Variants in AFF2 observed in about 807,000 individuals in gnomAD.
The protein encoded by AFF2 is AF4/FMR2 family member 2.
A neutral mutation model predicts 76.9 loss-of-function variants in AFF2; 14 were observed. The observed-to-expected ratio is 0.18, with a 90% confidence interval of 0.12 to 0.28. The LOEUF is 0.28. Ranked by LOEUF, AFF2 falls within the 10% of genes least tolerant of loss-of-function variation. The pLI, the probability that AFF2 is intolerant of heterozygous loss-of-function variation, is 1.00. For missense variants in AFF2, 868 were observed against 1,001.1 expected, an observed-to-expected ratio of 0.87 and a Z score of 1.79; for synonymous variants, 398 against 366.7, an observed-to-expected ratio of 1.09 and a Z score of -0.98.
intron 19 of AFF2, among the ~76,000 whole-genome samples, chrX:148,982,427 G>A (rs1354189790): frequency 2.7e-5 from 3 of 112,109 alleles, no homozygotes; most frequent in Non-Finnish European, 5.6e-5. Context: ...GGAAGGAGGT[G>A]ACAGGTATGA....
chrX:148,857,397 G>C (rs1557275999), intron 7 of AFF2, among the ~76,000 whole-genome samples: 1 of 111,439 alleles, frequency 9.0e-6, no homozygotes, highest in Non-Finnish European at 1.9e-5. Flanking sequence ...TTAACTAAGT[G>C]GTATATTAAG....
chrX:148,624,617 TTTCTC>T (rs2053903738), intron 1 of AFF2, among the ~76,000 whole-genome samples: 1 of 112,316 alleles, frequency 8.9e-6, no homozygotes, highest in South Asian at 3.6e-4. Context: ...TTAGTGTTGA[TTTCTC>T]TTTACATTTC....
At chrX:148,913,500 A>G (rs1231357082) in intron 9 of AFF2, among the ~76,000 whole-genome samples, 1 of 111,483 alleles carries the variant, frequency 9.0e-6, no homozygotes, top group Non-Finnish European at 1.9e-5. Flanking sequence ...AATTACCATC[A>G]CTCATCTTTC....
At chrX:148,732,280 T>C (rs1365513110) in intron 3 of AFF2, among the ~76,000 whole-genome samples, 2 of 97,196 alleles carry the variant, frequency 2.1e-5, no homozygotes, top group Non-Finnish European at 4.0e-5. Flanking sequence ...TGTAGGGACA[T>C]GGATGAAATT....
At chrX:148,538,594 A>T (rs1022504234) in intron 1 of AFF2, among the ~76,000 whole-genome samples, 3 of 112,711 alleles carry the variant, frequency 2.7e-5, no homozygotes, top group African/African-American at 9.7e-5. Context: ...TTGCCTGAAA[A>T]TTTTGATTTA....
At chrX:148,745,069 G>A (rs1350728681) in intron 3 of AFF2, among the ~76,000 whole-genome samples, 2 of 111,797 alleles carry the variant, frequency 1.8e-5, no homozygotes, top group Non-Finnish European at 3.8e-5. Context: ...TCCCGAGTTA[G>A]GTGGATGTGT....
intron 6 of AFF2, 106 bp from the exon 7 acceptor site, chrX:148,843,276 C>T: frequency 1.5e-6 from 1 of 655,713 alleles, no homozygotes; most frequent in Non-Finnish European, 2.3e-6. Context: ...TTACTTATCT[C>T]AAGAAGGTAA....
intron 9 of AFF2, among the ~76,000 whole-genome samples, chrX:148,912,994 A>T (rs1232214602): frequency 8.8e-6 from 1 of 113,334 alleles, no homozygotes; most frequent in Non-Finnish European, 1.9e-5. Context: ...TAATGGAGAG[A>T]TACCAATAAC....
At chrX:148,549,086 G>T (rs782754919) in intron 1 of AFF2, among the ~76,000 whole-genome samples, 1 of 112,107 alleles carries the variant, frequency 8.9e-6, no homozygotes, top group Non-Finnish European at 1.9e-5. Flanking sequence ...CATTCTAGGC[G>T]AGTGAAAATG....
intron 3 of AFF2, among the ~76,000 whole-genome samples, chrX:148,759,385 G>C (rs1285149829): frequency 8.9e-6 from 1 of 112,068 alleles, no homozygotes; most frequent in Non-Finnish European, 1.9e-5. Context: ...TCAGGGTTCT[G>C]ATTTCTTTTG....
At chrX:148,920,733 T>C in intron 9 of AFF2, among the ~76,000 whole-genome samples, 1 of 110,889 alleles carries the variant, frequency 9.0e-6, no homozygotes, top group Non-Finnish European at 1.9e-5. Flanking sequence ...GCCCTTAATA[T>C]TACATTGTGC....
chrX:148,758,648 CCTT>C (rs2069404202), intron 3 of AFF2, among the ~76,000 whole-genome samples: 1 of 111,661 alleles, frequency 9.0e-6, no homozygotes, highest in African/African-American at 3.3e-5. Flanking sequence ...TGAAGGAAGA[CCTT>C]CTATAAATAT....
intron 9 of AFF2, among the ~76,000 whole-genome samples, chrX:148,904,574 A>G (rs915714331): frequency 1.8e-5 from 2 of 112,348 alleles, no homozygotes; most frequent in East Asian, 5.6e-4. Flanking sequence ...GGTTTTGCAC[A>G]TGCTAAAAAG....
chrX:148,779,819 T>A (rs1442270417), intron 3 of AFF2, among the ~76,000 whole-genome samples: 1 of 112,082 alleles, frequency 8.9e-6, no homozygotes, highest in Non-Finnish European at 1.9e-5. Flanking sequence ...TGCCTATTGG[T>A]TGGTGCAGTT....
intron 1 of AFF2, among the ~76,000 whole-genome samples, chrX:148,588,013 G>A (rs2053485638): frequency 8.9e-6 from 1 of 112,377 alleles, no homozygotes; most frequent in African/African-American, 3.2e-5. Flanking sequence ...GAGCATAGGT[G>A]TGCTTTTAAC....
intron 1 of AFF2, among the ~76,000 whole-genome samples, chrX:148,581,123 ATATACG>A (rs1306852890): frequency 9.1e-5 from 4 of 44,051 alleles, no homozygotes; most frequent in Admixed American, 3.2e-4. Flanking sequence ...GTATACACAC[ATATACG>A]TATACGTATA....
intron 1 of AFF2, among the ~76,000 whole-genome samples, chrX:148,556,798 G>T (rs782197719): frequency 8.9e-6 from 1 of 112,147 alleles, no homozygotes; most frequent in Non-Finnish European, 1.9e-5. Flanking sequence ...TTCAAATTGG[G>T]CCCTTAGGGA....
At chrX:148,872,862 G>A (rs914092510) in intron 7 of AFF2, among the ~76,000 whole-genome samples, 2 of 111,398 alleles carry the variant, frequency 1.8e-5, no homozygotes, top group Non-Finnish European at 3.8e-5. Flanking sequence ...GTATTCAACC[G>A]TTATGACCCA....
intron 3 of AFF2, among the ~76,000 whole-genome samples, chrX:148,777,004 C>T (rs1337918828): frequency 4.5e-5 from 5 of 112,090 alleles, no homozygotes; most frequent in Admixed American, 2.8e-4. Context: ...ATATTTCAAT[C>T]TTTAATCCAT....
Sources: allele counts gnomAD v4.1 joint callset (sites outside exome capture counted in the v4.1 genomes callset), GRCh38; gene constraint gnomAD v4.1.1; transcripts MANE v1.5; gene names NCBI Gene and HGNC (gene_info 2026-07-23, HGNC 2026-07-21).